BCAP29: variants seen among roughly 807,000 people sequenced by gnomAD.
BCAP29 encodes the protein B cell receptor associated protein 29.
A neutral mutation model predicts 31.8 loss-of-function variants in BCAP29; 34 were observed. The ratio of observed to expected loss-of-function variants is 1.07; its 90% CI spans 0.81 to 1.42. The LOEUF is 1.42. Ranked by LOEUF, BCAP29 falls within the 40% of genes most tolerant of loss-of-function variation. The pLI is 0.00. For synonymous variants in BCAP29, 104 were observed against 91.3 expected, an observed-to-expected ratio of 1.14 and a Z score of -0.79; for missense variants, 314 against 269.2, an observed-to-expected ratio of 1.17 and a Z score of -1.16.
At position 107,591,656 on chromosome 7, in the gene BCAP29, A is replaced by ACACACACACACACACACACC; in HGVS notation, c.194-2298_194-2297insACACACACACACACACACCC. Among the ~76,000 whole-genome samples, 110 of 136,166 alleles carry ACACACACACACACACACACC rather than the reference A, an allele frequency of 8.1e-4. 1 individual carries two copies. The highest frequency in any genetic ancestry group is 1.2e-3 in the South Asian group (5 of 4,048). The allele number at this position is 136,166 out of a possible 152,430, so 89.3% of individuals were successfully genotyped here. A position where few individuals can be genotyped will look rare whatever the true frequency, so the allele number is the denominator to read the frequency against. ...CATACACACATACACACACACACAC[A>ACACACACACACACACACACC]CCCTATTGGTTCTTTTTCCCTGGAG... On this transcript the variant is annotated intron_variant, in intron 3 of 7. Coordinates refer to ENST00000005259, the MANE Select transcript of BCAP29 (RefSeq NM_018844.4).
At chr7:107,603,506 A>G (rs1444063742) in intron 6 of BCAP29, 1 of 152,044 alleles carries the variant, frequency 6.6e-6, no homozygotes, top group East Asian at 1.9e-4. Flanking sequence ...TCTTCTACAT[A>G]AAGGAAAAGA....
intron 6 of BCAP29, among the ~76,000 whole-genome samples, chr7:107,606,920 T>C (rs116586685): frequency 0.014 from 2,146 of 152,332 alleles, 50 homozygotes; most frequent in African/African-American, 0.05. Flanking sequence ...GTTTTACATA[T>C]ACATATTTTT....
At chr7:107,612,430 TATATATA>T (rs1563141466) in intron 6 of BCAP29, among the ~76,000 whole-genome samples, 1,306 of 52,082 alleles carry the variant, frequency 0.025, 47 homozygotes, top group Non-Finnish European at 0.053. Flanking sequence ...TATATATATA[TATATATA>T]TATTTATTTT....
chr7:107,593,274 C>G (rs1006551322), intron 3 of BCAP29, among the ~76,000 whole-genome samples: 3 of 152,120 alleles, frequency 2.0e-5, no homozygotes, highest in Non-Finnish European at 4.4e-5. Context: ...AATCCAGGAA[C>G]TAAGAATGCA....
intron 7 of BCAP29, 100 bp from the exon 8 acceptor site, chr7:107,618,228 A>T (rs1814538718): frequency 1.3e-6 from 1 of 762,748 alleles, no homozygotes; most frequent in African/African-American, 1.7e-5. Context: ...TATTCTCATA[A>T]GTATACATAG....
rs1806881520 is a variant in BCAP29, at chr7:107,582,493, TAACCCA to T, written c.93-1388_93-1383del. Among the ~76,000 whole-genome samples, 4 of 152,372 alleles carry T rather than the reference TAACCCA, an allele frequency of 2.6e-5. No homozygotes were observed. The South Asian group carries it at 8.3e-4, about 32-fold the overall frequency. ...ATTTAGTCTCTATTATTTTCTTACA[TAACCCA>T]GTGGTTAAAGGCACATGCTCAGAAA... On this transcript the variant is annotated intron_variant, in intron 2 of 7. Coordinates refer to ENST00000005259, the MANE Select transcript of BCAP29 (RefSeq NM_018844.4).
chr7:107,622,458 T>C, downstream of BCAP29: 1 of 153,222 alleles, frequency 6.5e-6, no homozygotes, highest in Non-Finnish European at 1.5e-5. Context: ...ACCTGCATTC[T>C]GATTCTTCTT....
At chr7:107,599,293 A>ATATATATAT (rs1299224433) in intron 5 of BCAP29, among the ~76,000 whole-genome samples, 1 of 42,152 alleles carries the variant, frequency 2.4e-5, no homozygotes, top group African/African-American at 8.3e-5. Flanking sequence ...TTTTATATAT[A>ATATATATAT]AATTATATAT....
chr7:107,600,880 A>C (rs538668354), intron 6 of BCAP29, among the ~76,000 whole-genome samples: 2 of 152,346 alleles, frequency 1.3e-5, no homozygotes, highest in South Asian at 4.1e-4. Context: ...TTCTTACAAG[A>C]AAATATATTG....
chr7:107,612,972 A>G (rs1268805393), intron 6 of BCAP29, among the ~76,000 whole-genome samples: 1 of 152,184 alleles, frequency 6.6e-6, no homozygotes, highest in Non-Finnish European at 1.5e-5. Flanking sequence ...GGACATGATT[A>G]AGACAGTTCC....
At chr7:107,612,408 TATATATATATATATATATATA>T (rs1563141277) in intron 6 of BCAP29, among the ~76,000 whole-genome samples, 1 of 35,240 alleles carries the variant, frequency 2.8e-5, no homozygotes, top group African/African-American at 6.3e-5. Context: ...TATATATATA[TATATATATATATATATATATA>T]TATATATATA....
upstream of BCAP29, chr7:107,580,046 T>C (rs1214568909): frequency 6.6e-6 from 1 of 152,296 alleles, no homozygotes; most frequent in African/African-American, 2.4e-5. Flanking sequence ...CCTGAAGAAG[T>C]TGCGCTCCGA....
chr7:107,581,120 A>G (rs749630019), intron 2 of BCAP29, among the ~76,000 whole-genome samples: 8 of 152,240 alleles, frequency 5.3e-5, no homozygotes, highest in Non-Finnish European at 8.8e-5. Context: ...CAGATATAAT[A>G]AAGCAACGAT....
chr7:107,601,287 A>C (rs1344819299), intron 6 of BCAP29, among the ~76,000 whole-genome samples: 1 of 152,198 alleles, frequency 6.6e-6, no homozygotes, highest in Non-Finnish European at 1.5e-5. Context: ...GACACTGAGA[A>C]ACCTCACTTT....
At chr7:107,621,111 C>T (rs10274041), downstream of BCAP29, 110,850 of 152,760 alleles carry the variant, frequency 0.73, 40,293 homozygotes, top group South Asian at 0.84. Context: ...ACTGCCTTCT[C>T]GCTATCCCTC....
At chr7:107,589,815 G>A (rs1197269801) in intron 3 of BCAP29, among the ~76,000 whole-genome samples, 1 of 152,130 alleles carries the variant, frequency 6.6e-6, no homozygotes, top group Non-Finnish European at 1.5e-5. Flanking sequence ...AGAGTATGGG[G>A]GTTTTGTTTT....
chr7:107,591,375 G>A (rs756465351), intron 3 of BCAP29, among the ~76,000 whole-genome samples: 2 of 152,112 alleles, frequency 1.3e-5, no homozygotes, highest in Non-Finnish European at 2.9e-5. Context: ...ATAAAAACAG[G>A]TTAGTGGGCT....
intron 2 of BCAP29, among the ~76,000 whole-genome samples, chr7:107,581,557 C>A (rs1471272152): frequency 1.3e-5 from 2 of 151,968 alleles, no homozygotes; most frequent in African/African-American, 4.8e-5. Context: ...AATTTTAGAT[C>A]CAGAAATTTG....
chr7:107,621,573 G>A, downstream of BCAP29: 1 of 386,132 alleles, frequency 2.6e-6, no homozygotes, highest in South Asian at 2.0e-5. Flanking sequence ...GAGATGGAGA[G>A]ATTATTCTGG....
Sources: gnomAD v4.1 joint callset for allele counts (sites outside exome capture counted in the v4.1 genomes callset) on GRCh38, gnomAD v4.1.1 for gene constraint, MANE v1.5 for transcripts, NCBI Gene and HGNC (gene_info 2026-07-23, HGNC 2026-07-21) for gene names.